Variants in BAZ2B observed in about 807,000 individuals in gnomAD.
The protein encoded by BAZ2B is bromodomain adjacent to zinc finger domain 2B.
In BAZ2B, 91 loss-of-function variants were observed where a neutral mutation model predicts 246.0. The ratio of observed to expected loss-of-function variants is 0.37; its 90% confidence interval spans 0.31 to 0.44. The LOEUF (loss-of-function observed/expected upper bound fraction) is 0.44, where lower values mean the gene tolerates loss of function less well. Among genes scored for constraint, BAZ2B ranks in the 20% least tolerant of loss-of-function variants. BAZ2B has a pLI of 1.00. For synonymous variants in BAZ2B, 855 were observed against 860.0 expected (o/e 0.99, Z 0.10); for missense variants, 2,332 against 2,533.7 (o/e 0.92, Z 1.71).
At chr2:159,357,399 A>T (rs914219445) in intron 27 of BAZ2B, among the ~76,000 whole-genome samples, 1 of 152,072 alleles carries the variant, frequency 6.6e-6, no homozygotes. Flanking sequence ...TAATGAAATA[A>T]AGCGTGAAGA....
At chr2:159,389,952 TGTAAAATCA>T (rs754722620) in intron 20 of BAZ2B, among the ~76,000 whole-genome samples, 12 of 152,142 alleles carry the variant, frequency 7.9e-5, no homozygotes, top group Non-Finnish European at 1.5e-4. Flanking sequence ...CTTAAGAGAA[TGTAAAATCA>T]GTTGTGAAGG....
intron 2 of BAZ2B, among the ~76,000 whole-genome samples, chr2:159,499,686 T>C (rs2081508804): frequency 6.6e-6 from 1 of 152,174 alleles, no homozygotes; most frequent in Admixed American, 6.5e-5. Context: ...CAGCATCTGT[T>C]GTTTTTGACT....
intron 31 of BAZ2B, among the ~76,000 whole-genome samples, chr2:159,345,978 C>T (rs1382747616): frequency 2.0e-5 from 3 of 152,056 alleles, no homozygotes; most frequent in Non-Finnish European, 4.4e-5. Flanking sequence ...GTAACATAAG[C>T]GATCCAAAAA....
intron 2 of BAZ2B, among the ~76,000 whole-genome samples, chr2:159,514,363 T>C (rs1331034198): frequency 6.6e-6 from 1 of 152,202 alleles, no homozygotes; most frequent in East Asian, 1.9e-4. Context: ...TTATCAGTTA[T>C]CACATTGTAC....
At chr2:159,458,172 T>C (rs1435076442) in intron 3 of BAZ2B, among the ~76,000 whole-genome samples, 1 of 151,674 alleles carries the variant, frequency 6.6e-6, no homozygotes, top group Non-Finnish European at 1.5e-5. Flanking sequence ...TACGTCCAGC[T>C]AATTTTTTTG....
At chr2:159,481,465 C>T (rs920767155) in intron 2 of BAZ2B, among the ~76,000 whole-genome samples, 9 of 151,022 alleles carry the variant, frequency 6.0e-5, no homozygotes, top group African/African-American at 2.2e-4. Flanking sequence ...AAATAATATG[C>T]ACCAAAGGTT....
At chr2:159,361,953 C>T (rs1455419152) in intron 27 of BAZ2B, among the ~76,000 whole-genome samples, 5 of 91,642 alleles carry the variant, frequency 5.5e-5, no homozygotes, top group East Asian at 2.7e-4. Context: ...TGGGGCCTGT[C>T]GGGGGGGTGA....
At chr2:159,612,976 T>TA in intron 1 of BAZ2B, among the ~76,000 whole-genome samples, 1 of 152,114 alleles carries the variant, frequency 6.6e-6, no homozygotes, top group Non-Finnish European at 1.5e-5. Context: ...TTATAAAAAA[T>TA]AAAAACAAAT....
At chr2:159,524,235 C>T (rs1336592689) in intron 2 of BAZ2B, among the ~76,000 whole-genome samples, 1 of 151,938 alleles carries the variant, frequency 6.6e-6, no homozygotes, top group Non-Finnish European at 1.5e-5. Context: ...GCCTGGGCAA[C>T]ACAGCAAGAC....
At chr2:159,671,501 A>G in the BAZ2B span, among the ~76,000 whole-genome samples, 2 of 152,212 alleles carry the variant, frequency 1.3e-5, no homozygotes, top group African/African-American at 2.4e-5. Context: ...AAATATCTCA[A>G]TTTTAAAAAT....
chr2:159,332,724 G>A (rs757597081), intron 33 of BAZ2B, 38 bp from the exon 34 acceptor site: 3 of 1,604,238 alleles, frequency 1.9e-6, no homozygotes, highest in African/African-American at 1.3e-5. Flanking sequence ...TTAACGCTCT[G>A]CCATGAATAA....
At chr2:159,343,749 G>A (rs188612285) in intron 31 of BAZ2B, among the ~76,000 whole-genome samples, 12 of 152,092 alleles carry the variant, frequency 7.9e-5, no homozygotes, top group South Asian at 4.2e-4. Flanking sequence ...AAAAACGGCC[G>A]GGCGCCGTGG....
chr2:159,478,776 G>A lies in BAZ2B; in HGVS notation c.-2-55C>T. On this transcript the variant is annotated intron_variant, in intron 2 of 36. Transcript: ENST00000392783. ...TATCAGATAAAAAATTTTTTCAAAA[G>A]AATTCAACATAAACTTTTTGTATAC... 3.8e-6 allele frequency: 5 copies of A among 1,320,418 alleles called. No homozygotes were observed. In the South Asian group the frequency reaches 6.6e-5, roughly 17 times the overall value. The allele number at this position is 1,320,418 out of a possible 1,614,324, so 81.8% of individuals were successfully genotyped here.
intron 19 of BAZ2B, chr2:159,397,122 A>G: frequency 6.8e-7 from 1 of 1,467,738 alleles, no homozygotes; most frequent in Non-Finnish European, 9.1e-7. Context: ...AGTTGGCACA[A>G]CATTATGAAA....
intron 2 of BAZ2B, among the ~76,000 whole-genome samples, chr2:159,511,453 G>A (rs2082913360): frequency 6.6e-6 from 1 of 152,166 alleles, no homozygotes; most frequent in Non-Finnish European, 1.5e-5. Flanking sequence ...TGATCCACCT[G>A]CCTTGGCCAC....
intron 20 of BAZ2B, chr2:159,395,520 A>G: frequency 3.3e-6 from 1 of 300,364 alleles, no homozygotes; most frequent in South Asian, 7.0e-5. Flanking sequence ...ATCTAAACCA[A>G]TGTTATTTAC....
chr2:159,512,630 C>T (rs2083047670), intron 2 of BAZ2B, among the ~76,000 whole-genome samples: 1 of 152,114 alleles, frequency 6.6e-6, no homozygotes, highest in Non-Finnish European at 1.5e-5. Flanking sequence ...TTATAATTTA[C>T]ACATGATTCC....
In BAZ2B at chr2:159,382,621, C is replaced by G. The variant is rs1219956331; in HGVS notation, c.3943G>C (p.Asp1315His). The change falls in exon 25 of 37, where the codon GAT (aspartate) becomes CAT (histidine). Residue 1315 changes from aspartate (D) to histidine (H), a missense_variant. Asp to His is a moderately conservative substitution (Grantham distance 81). Around this residue, in one of 9 missense-constraint regions of BAZ2B, gnomAD observed 676 missense variants for 668.6 expected, o/e 1.01. Coordinates refer to ENST00000392783, the MANE Select transcript of BAZ2B (RefSeq NM_013450.4). ...TCTTCTTTATCTTCTTCATCCTCATCATCTTCATCCCCTTGGTCATCACTG... is the reference window on the plus strand; with the variant it reads ...TCTTCTTTATCTTCTTCATCCTCATGATCTTCATCCCCTTGGTCATCACTG... The part of the protein sequence containing the change: ...DDSDDQGDED[D>H]EDEEDKEDKK... The G allele has an allele frequency of 6.4e-7, 1 of 1,568,034 alleles. No individual in the cohort carries two copies. The highest frequency in any genetic ancestry group is 8.7e-7 in the Non-Finnish European group (1 of 1,153,814).
At chr2:159,540,692 T>C (rs188433989) in intron 2 of BAZ2B, among the ~76,000 whole-genome samples, 67 of 152,312 alleles carry the variant, frequency 4.4e-4, no homozygotes, top group African/African-American at 1.5e-3. Flanking sequence ...CCAGTACTAG[T>C]TATGTCAACT....
Sources: gnomAD v4.1 joint callset for allele counts (sites outside exome capture counted in the v4.1 genomes callset) on GRCh38, gnomAD v4.1.1 for gene constraint, gnomAD v4.1.1 regional missense constraint, MANE v1.5 for transcripts, NCBI Gene and HGNC (gene_info 2026-07-23, HGNC 2026-07-21) for gene names.